Variants in PAK2 observed in about 807,000 individuals in gnomAD.
PAK2 encodes p21 (RAC1) activated kinase 2.
In PAK2, 21 loss-of-function variants were observed where a neutral mutation model predicts 65.9. The ratio of observed to expected loss-of-function variants is 0.32; its 90% CI spans 0.23 to 0.46. The LOEUF (loss-of-function observed/expected upper bound fraction) is 0.46. Among genes scored for constraint, PAK2 ranks in the 20% least tolerant of loss-of-function variants. PAK2 has a pLI of 1.00. For missense variants in PAK2, 324 were observed against 642.6 expected (o/e 0.50, Z 5.36); for synonymous variants, 204 against 219.7 (o/e 0.93, Z 0.63).
At chr3:196,814,682 A>T (rs1715935486) in intron 11 of PAK2, 114 bp downstream of exon 11, 1 of 665,198 alleles carries the variant, frequency 1.5e-6, no homozygotes, top group Admixed American at 2.8e-5. Context: ...TTCTCTGTAT[A>T]CATTCTCTGC....
intron 12 of PAK2, among the ~76,000 whole-genome samples, chr3:196,818,424 C>G (rs1283405390): frequency 6.6e-6 from 1 of 152,054 alleles, no homozygotes; most frequent in Admixed American, 6.6e-5. Context: ...GAGGTTTGCT[C>G]TTGTTGCCCA....
At position 196,832,384 on chromosome 3, in the gene PAK2, T is replaced by C. The variant is rs1200838403; in HGVS notation, c.*3979T>C. On this transcript the variant is annotated 3_prime_UTR_variant, in exon 15 of 15. Coordinates refer to ENST00000327134, the MANE Select transcript of PAK2 (RefSeq NM_002577.4). ...TTTATGCCTTTTATTTTTAATTTAA[T>C]CCCGTTCAATTATTTAATTGTTATA... 6.6e-6 allele frequency: 1 copy of C among 152,204 alleles called. No individual in the cohort carries two copies. Among genetic ancestry groups the C allele is most frequent in the East Asian group, 1.9e-4 (1 of 5,204 alleles). The allele number at this position is 152,204 out of a possible 1,614,324, so 9.4% of individuals were successfully genotyped here. A position where few individuals can be genotyped will look rare whatever the true frequency, so the allele number is the denominator to read the frequency against.
At chr3:196,800,902 A>T (rs1715405071) in intron 2 of PAK2, among the ~76,000 whole-genome samples, 1 of 152,098 alleles carries the variant, frequency 6.6e-6, no homozygotes, top group South Asian at 2.1e-4. Context: ...AAGGGATGTC[A>T]TGGACGGTAA....
At chr3:196,781,150 G>A (rs1220293486) in intron 1 of PAK2, among the ~76,000 whole-genome samples, 1 of 152,148 alleles carries the variant, frequency 6.6e-6, no homozygotes, top group African/African-American at 2.4e-5. Flanking sequence ...TAAAAAATTT[G>A]TTTTTAAGTT....
chr3:196,761,724 T>C (rs1385256271), intron 1 of PAK2, among the ~76,000 whole-genome samples: 3 of 117,352 alleles, frequency 2.6e-5, no homozygotes, highest in South Asian at 6.0e-4. Flanking sequence ...CACTTCCCAG[T>C]AGGGGCGGCC....
intron 2 of PAK2, among the ~76,000 whole-genome samples, chr3:196,789,240 T>G (rs1714990396): frequency 6.6e-6 from 1 of 152,206 alleles, no homozygotes; most frequent in African/African-American, 2.4e-5. Flanking sequence ...TTCATACAGC[T>G]AGAGTTGGAT....
intron 14 of PAK2, among the ~76,000 whole-genome samples, chr3:196,828,075 G>GT (rs1378367157): frequency 7.6e-6 from 1 of 131,716 alleles, no homozygotes; most frequent in Non-Finnish European, 1.6e-5. Flanking sequence ...TTTGTGCATC[G>GT]TATCACTCCT....
intron 1 of PAK2, among the ~76,000 whole-genome samples, chr3:196,755,086 C>T (rs985145951): frequency 6.6e-6 from 1 of 152,158 alleles, no homozygotes; most frequent in Non-Finnish European, 1.5e-5. Flanking sequence ...TCAAAGATCT[C>T]ATATAAATTG....
chr3:196,814,280 A>G (rs1239252574), intron 10 of PAK2, among the ~76,000 whole-genome samples, 171 bp from the exon 11 acceptor site: 1 of 152,164 alleles, frequency 6.6e-6, no homozygotes, highest in East Asian at 1.9e-4. Context: ...TCATAACTTC[A>G]GTTATTTTTC....
intron 11 of PAK2, among the ~76,000 whole-genome samples, chr3:196,815,481 G>C (rs1402728049): frequency 7.1e-6 from 1 of 140,592 alleles, no homozygotes; most frequent in Non-Finnish European, 1.5e-5. Flanking sequence ...AACAGAGCAA[G>C]ATTGTCTCAA....
chr3:196,795,497 C>T (rs1428016958), intron 2 of PAK2, among the ~76,000 whole-genome samples: 1 of 151,506 alleles, frequency 6.6e-6, no homozygotes, highest in African/African-American at 2.4e-5. Flanking sequence ...AACAAAAACA[C>T]AGTGATAGAG....
intron 1 of PAK2, among the ~76,000 whole-genome samples, chr3:196,773,186 G>A (rs1026563891): frequency 5.3e-5 from 8 of 152,098 alleles, no homozygotes; most frequent in African/African-American, 9.7e-5. Flanking sequence ...TTTTTGTTTC[G>A]CCTACTTGTT....
intron 2 of PAK2, among the ~76,000 whole-genome samples, chr3:196,793,447 C>T (rs1307847304): frequency 6.6e-6 from 1 of 152,160 alleles, no homozygotes; most frequent in Non-Finnish European, 1.5e-5. Context: ...ACCTTGCATG[C>T]ATGCTGTCCT....
intron 10 of PAK2, among the ~76,000 whole-genome samples, chr3:196,813,956 T>G (rs1360166221): frequency 6.6e-6 from 1 of 151,942 alleles, no homozygotes; most frequent in Non-Finnish European, 1.5e-5. Context: ...CTCAAAAAAA[T>G]AAATAAAAAA....
chr3:196,799,967 C>T (rs1577730327), intron 2 of PAK2, among the ~76,000 whole-genome samples: 1 of 152,146 alleles, frequency 6.6e-6, no homozygotes, highest in African/African-American at 2.4e-5. Context: ...TCTGATAAAG[C>T]GTACCGAACG....
intron 8 of PAK2, among the ~76,000 whole-genome samples, 192 bp from the exon 9 acceptor site, chr3:196,812,027 G>A (rs1715844497): frequency 1.3e-5 from 2 of 151,886 alleles, no homozygotes; most frequent in Admixed American, 6.6e-5. Context: ...TCACACATAA[G>A]TTTTGCCGTA....
chr3:196,749,135 G>C (rs1431239070), intron 1 of PAK2, among the ~76,000 whole-genome samples: 1 of 151,444 alleles, frequency 6.6e-6, no homozygotes, highest in Non-Finnish European at 1.5e-5. Context: ...TATTCTGCTT[G>C]TCCATTTATT....
chr3:196,764,949 T>C (rs1714110298), intron 1 of PAK2, among the ~76,000 whole-genome samples: 1 of 150,206 alleles, frequency 6.7e-6, no homozygotes, highest in South Asian at 2.1e-4. Flanking sequence ...TTCACGCCAT[T>C]CTCCTGCCTC....
rs1318456601 is a variant in PAK2, at chr3:196,761,283, C to T, written c.-22+21126C>T. Among the ~76,000 whole-genome samples the T allele has an allele frequency of 2.1e-4, 23 of 111,802 alleles. No individual in the cohort carries two copies. In the East Asian group the frequency reaches 4.8e-3, roughly 23 times the overall value. 73.3% of individuals were successfully genotyped at this position (111,802 alleles called of 152,430 possible). A position where few individuals can be genotyped will look rare whatever the true frequency, so the allele number is the denominator to read the frequency against. On this transcript the variant is annotated intron_variant, in intron 1 of 14. Coordinates refer to ENST00000327134, the MANE Select transcript of PAK2 (RefSeq NM_002577.4). ...CAAGTGAACAAAGGTCTCTGGTTTT[C>T]CTAGGCAGAGGACCCTGCGGCCTTC...
Sources: gnomAD v4.1 joint callset for allele counts (sites outside exome capture counted in the v4.1 genomes callset) on GRCh38, gnomAD v4.1.1 for gene constraint, MANE v1.5 for transcripts, NCBI Gene and HGNC (gene_info 2026-07-23, HGNC 2026-07-21) for gene names.